KLHL1: variants seen among roughly 807,000 people sequenced by gnomAD.
The protein encoded by KLHL1 is kelch-like protein 1.
In KLHL1, 47 loss-of-function variants were observed where a neutral mutation model predicts 77.7. The ratio of observed to expected loss-of-function variants is 0.60; its 90% CI spans 0.48 to 0.77. KLHL1 has a LOEUF of 0.77. Among genes scored for constraint, KLHL1 ranks in the 30% least tolerant of loss-of-function variants. The probability of loss-of-function intolerance (pLI) is 0.00; values close to 1 mark genes in which losing one functional copy is unlikely to be tolerated. For synonymous variants in KLHL1, 360 were observed against 325.2 expected, an observed-to-expected ratio of 1.11 and a Z score of -1.15; for missense variants, 925 against 910.8, an observed-to-expected ratio of 1.02 and a Z score of -0.20.
At chr13:70,061,689 G>A (rs993932060) in intron 1 of KLHL1, among the ~76,000 whole-genome samples, 1 of 151,980 alleles carries the variant, frequency 6.6e-6, no homozygotes, top group African/African-American at 2.4e-5. Flanking sequence ...CAAATATGAA[G>A]GCTTATCTCA....
intron 1 of KLHL1, among the ~76,000 whole-genome samples, chr13:70,017,546 C>A (rs2137347350): frequency 6.6e-6 from 1 of 152,314 alleles, no homozygotes; most frequent in East Asian, 1.9e-4. Context: ...CCCCTCACTG[C>A]TCCACACCTG....
At chr13:69,773,593 T>G (rs1466520370) in intron 7 of KLHL1, among the ~76,000 whole-genome samples, 1 of 151,988 alleles carries the variant, frequency 6.6e-6, no homozygotes, top group East Asian at 1.9e-4. Flanking sequence ...TTTGAAGAGA[T>G]AATTTCATTG....
At chr13:70,012,240 T>A (rs893846480) in intron 1 of KLHL1, among the ~76,000 whole-genome samples, 4 of 152,192 alleles carry the variant, frequency 2.6e-5, no homozygotes, top group South Asian at 4.1e-4. Flanking sequence ...TTGCTCTCTG[T>A]CTTCCTTCCT....
chr13:69,740,600 A>C, intron 7 of KLHL1, 44 bp from the exon 8 acceptor site: 4 of 1,401,420 alleles, frequency 2.9e-6, no homozygotes, highest in Non-Finnish European at 3.9e-6. Flanking sequence ...AGTTAATATC[A>C]TATTGTACAT....
chr13:69,912,386 T>C (rs1290857165), intron 4 of KLHL1, among the ~76,000 whole-genome samples: 1 of 152,188 alleles, frequency 6.6e-6, no homozygotes, highest in African/African-American at 2.4e-5. Context: ...TTGCTGGTAG[T>C]ATCAGAAAAA....
chr13:69,797,565 C>T (rs1877167605), intron 6 of KLHL1, among the ~76,000 whole-genome samples: 1 of 151,840 alleles, frequency 6.6e-6, no homozygotes. Flanking sequence ...GCCTGTGATC[C>T]CAGCACTTTG....
chr13:69,871,340 T>C (rs1040567018), intron 5 of KLHL1, among the ~76,000 whole-genome samples: 10 of 152,160 alleles, frequency 6.6e-5, no homozygotes, highest in South Asian at 4.1e-4. Flanking sequence ...TGGCCTGTGA[T>C]GGAAGGGGCT....
chr13:69,989,217 A>G (rs1442484761), intron 1 of KLHL1, among the ~76,000 whole-genome samples: 1 of 151,980 alleles, frequency 6.6e-6, no homozygotes, highest in Non-Finnish European at 1.5e-5. Flanking sequence ...TGAATAGGTA[A>G]TCCTTTCCCC....
intron 7 of KLHL1, among the ~76,000 whole-genome samples, chr13:69,776,758 G>T (rs997608173): frequency 1.3e-5 from 2 of 152,038 alleles, no homozygotes; most frequent in African/African-American, 4.8e-5. Flanking sequence ...CAATAAATTA[G>T]CATTCAAAAT....
chr13:69,935,223 A>ATAGTTCACCTACTGGTGAACTTGGTC lies in KLHL1; in HGVS notation c.1014+4816_1014+4817insGACCAAGTTCACCAGTAGGTGAACTA, dbSNP rs1566419728. On this transcript the variant is annotated intron_variant, in intron 4 of 10. Coordinates refer to ENST00000377844, the MANE Select transcript of KLHL1 (RefSeq NM_020866.3). ...CATAGTTGGTACTGGTGAACTTGGT[A>ATAGTTCACCTACTGGTGAACTTGGTC]CATAGTTCACCCACTGGTGAACTTG... 4.1e-4 allele frequency among the ~76,000 whole-genome samples: 58 copies of ATAGTTCACCTACTGGTGAACTTGGTC among 142,474 alleles called. 1 individual carries two copies. The highest frequency in any genetic ancestry group is 1.6e-3 in the African/African-American group (55 of 35,392). The allele number at this position is 142,474 out of a possible 152,430, so 93.5% of individuals were successfully genotyped here.
Position 69,898,847 on chromosome 13 carries a change from A to G in KLHL1, c.1015-16352T>C, listed in dbSNP as rs113695796. Among the ~76,000 whole-genome samples the G allele has an allele frequency of 5.3e-4, 80 of 152,270 alleles. 1 individual carries two copies. The highest frequency in any genetic ancestry group is 1.8e-3 in the African/African-American group (75 of 41,562). Reference sequence around the variant, plus strand: ...CTTGTGCACAAGGATTCAATGCCACATGTGGCTTGTGAACGAGGCCTGGAG... The same window carrying G: ...CTTGTGCACAAGGATTCAATGCCACGTGTGGCTTGTGAACGAGGCCTGGAG... On this transcript the variant is annotated intron_variant, in intron 4 of 10. Transcript: ENST00000377844.
intron 3 of KLHL1, among the ~76,000 whole-genome samples, chr13:69,948,924 T>C (rs1392023462): frequency 2.0e-5 from 3 of 151,940 alleles, no homozygotes; most frequent in African/African-American, 7.2e-5. Context: ...TTCTGTTAAA[T>C]TGAAGAAGAA....
At chr13:70,076,387 C>CTCT (rs1887267500) in intron 1 of KLHL1, among the ~76,000 whole-genome samples, 1 of 139,866 alleles carries the variant, frequency 7.1e-6, no homozygotes, top group Non-Finnish European at 1.5e-5. Context: ...AAAGGATAAT[C>CTCT]TTTTTTTTTT....
chr13:69,907,477 A>C (rs1882080334), intron 4 of KLHL1, among the ~76,000 whole-genome samples: 1 of 152,030 alleles, frequency 6.6e-6, no homozygotes, highest in Admixed American at 6.6e-5. Flanking sequence ...AATTGTTAAT[A>C]ACATTTGTGT....
chr13:69,849,584 A>G (rs1879605242), intron 5 of KLHL1, among the ~76,000 whole-genome samples: 1 of 151,352 alleles, frequency 6.6e-6, no homozygotes, highest in Admixed American at 6.6e-5. Context: ...TGAAGGTCCT[A>G]TTACTTTCAT....
chr13:70,023,195 A>T (rs955408901), intron 1 of KLHL1, among the ~76,000 whole-genome samples: 1 of 152,042 alleles, frequency 6.6e-6, no homozygotes, highest in East Asian at 1.9e-4. Context: ...GCTCTATCAA[A>T]TCTATCAAAA....
intron 2 of KLHL1, among the ~76,000 whole-genome samples, chr13:69,974,307 T>C (rs1387211266): frequency 6.6e-6 from 1 of 151,280 alleles, no homozygotes; most frequent in Non-Finnish European, 1.5e-5. Flanking sequence ...CATATAAAGG[T>C]AATACATTGC....
chr13:70,015,212 C>T (rs1490484410), intron 1 of KLHL1, among the ~76,000 whole-genome samples: 1 of 152,090 alleles, frequency 6.6e-6, no homozygotes, highest in African/African-American at 2.4e-5. Context: ...TGGACTTATG[C>T]AAACCTATTG....
intron 7 of KLHL1, among the ~76,000 whole-genome samples, chr13:69,767,986 A>G (rs1185793764): frequency 6.6e-6 from 1 of 152,210 alleles, no homozygotes; most frequent in Non-Finnish European, 1.5e-5. Flanking sequence ...GTAAAGTACT[A>G]TATTTACAAA....
Sources: gnomAD v4.1 joint callset for allele counts (sites outside exome capture counted in the v4.1 genomes callset) on GRCh38, gnomAD v4.1.1 for gene constraint, MANE v1.5 for transcripts, NCBI Gene and HGNC (gene_info 2026-07-23, HGNC 2026-07-21) for gene names.